SGMS1: variants seen among roughly 807,000 people sequenced by gnomAD.
The protein encoded by SGMS1 is sphingomyelin synthase 1, also known as phosphatidylcholine:ceramide cholinephosphotransferase 1.
A neutral mutation model predicts 46.2 loss-of-function variants in SGMS1; 13 were observed. That is an observed-to-expected ratio of 0.28 (90% CI 0.18 to 0.45). The LOEUF is 0.45. Among genes scored for constraint, SGMS1 ranks in the 20% least tolerant of loss-of-function variants. The pLI is 1.00. For synonymous variants in SGMS1, 203 were observed against 187.8 expected, an observed-to-expected ratio of 1.08 and a Z score of -0.66; for missense variants, 324 against 519.9, an observed-to-expected ratio of 0.62 and a Z score of 3.66.
chr10:50,612,477 AAGG>A (rs760119382), intron 1 of SGMS1, among the ~76,000 whole-genome samples: 1 of 152,232 alleles, frequency 6.6e-6, no homozygotes, highest in Non-Finnish European at 1.5e-5. Context: ...AGCTGGCGAA[AAGG>A]AGGAGTGGAG....
intron 6 of SGMS1, among the ~76,000 whole-genome samples, chr10:50,399,899 G>A (rs1159225498): frequency 2.0e-5 from 3 of 151,850 alleles, no homozygotes; most frequent in Non-Finnish European, 4.4e-5. Flanking sequence ...CATGGTGGTG[G>A]GCGCCTGTAG....
chr10:50,399,489 AGTTT>A (rs1848898886), intron 6 of SGMS1, among the ~76,000 whole-genome samples: 2 of 152,212 alleles, frequency 1.3e-5, no homozygotes, highest in Admixed American at 1.3e-4. Flanking sequence ...ATAAGCAGTC[AGTTT>A]AAGAATGTGT....
intron 8 of SGMS1, among the ~76,000 whole-genome samples, chr10:50,317,610 C>T (rs2133289927): frequency 6.6e-6 from 1 of 152,260 alleles, no homozygotes; most frequent in Non-Finnish European, 1.5e-5. Flanking sequence ...CAAGGCTGGA[C>T]AATTTCTCCA....
chr10:50,344,406 A>C (rs1216065317), intron 6 of SGMS1, 61 bp from the exon 7 acceptor site: 1 of 362,048 alleles, frequency 2.8e-6, no homozygotes, highest in African/African-American at 2.0e-5. Flanking sequence ...CTCAAAACGC[A>C]AAGCCTTATA....
chr10:50,558,474 C>T (rs911975389), intron 2 of SGMS1, among the ~76,000 whole-genome samples: 8 of 152,082 alleles, frequency 5.3e-5, no homozygotes, highest in African/African-American at 1.9e-4. Flanking sequence ...CTGCTTGGAA[C>T]GAGCCAAACA....
At chr10:50,463,656 C>A (rs969408322) in intron 4 of SGMS1, among the ~76,000 whole-genome samples, 3 of 152,160 alleles carry the variant, frequency 2.0e-5, no homozygotes, top group African/African-American at 7.2e-5. Context: ...ACTATATGAT[C>A]CAGTAAGCTC....
intron 5 of SGMS1, among the ~76,000 whole-genome samples, chr10:50,436,042 C>A (rs1310090757): frequency 7.2e-5 from 11 of 152,188 alleles, no homozygotes; most frequent in Non-Finnish European, 1.5e-4. Flanking sequence ...GAATCAAATT[C>A]ATCCTCAAAG....
At chr10:50,595,357 T>G (rs1291158172) in intron 1 of SGMS1, among the ~76,000 whole-genome samples, 2 of 152,138 alleles carry the variant, frequency 1.3e-5, no homozygotes, top group African/African-American at 4.8e-5. Flanking sequence ...TTTGTGCTTT[T>G]AGTAGAGGCA....
At chr10:50,575,245 A>G (rs1003769785) in intron 2 of SGMS1, among the ~76,000 whole-genome samples, 2 of 152,250 alleles carry the variant, frequency 1.3e-5, no homozygotes, top group Admixed American at 1.3e-4. Flanking sequence ...GACATTATGC[A>G]CTTAAAAATT....
chr10:50,411,048 G>A (rs1466772232), intron 6 of SGMS1, among the ~76,000 whole-genome samples: 1 of 152,072 alleles, frequency 6.6e-6, no homozygotes, highest in Non-Finnish European at 1.5e-5. Flanking sequence ...AAGAGGGAAA[G>A]GTATATATAG....
At chr10:50,326,535 T>G (rs1328293877) in intron 8 of SGMS1, among the ~76,000 whole-genome samples, 2 of 152,324 alleles carry the variant, frequency 1.3e-5, no homozygotes, top group East Asian at 1.9e-4. Context: ...TAAAGAGCTT[T>G]AATGTACATA....
At chr10:50,375,982 C>T (rs1340102953) in intron 6 of SGMS1, among the ~76,000 whole-genome samples, 1 of 152,112 alleles carries the variant, frequency 6.6e-6, no homozygotes, top group African/African-American at 2.4e-5. Flanking sequence ...CAAGTGAGTA[C>T]TACTGCAGCC....
chr10:50,549,412 G>A (rs1838129861), intron 2 of SGMS1, among the ~76,000 whole-genome samples: 1 of 152,162 alleles, frequency 6.6e-6, no homozygotes, highest in Non-Finnish European at 1.5e-5. Flanking sequence ...GGCATTGGAA[G>A]CCATTATCCT....
At chr10:50,413,224 TG>T (rs958730044) in intron 6 of SGMS1, among the ~76,000 whole-genome samples, 2 of 152,158 alleles carry the variant, frequency 1.3e-5, no homozygotes, top group Admixed American at 1.3e-4. Flanking sequence ...TAAAGAAACT[TG>T]CCCCAAATCA....
intron 2 of SGMS1, among the ~76,000 whole-genome samples, chr10:50,567,606 T>A (rs563644029): frequency 6.4e-4 from 97 of 152,340 alleles, no homozygotes; most frequent in African/African-American, 2.1e-3. Flanking sequence ...CAGGCGGCTC[T>A]CCAGTGTGTC....
intron 6 of SGMS1, among the ~76,000 whole-genome samples, chr10:50,361,008 C>G (rs1460535317): frequency 6.6e-6 from 1 of 152,146 alleles, no homozygotes; most frequent in Non-Finnish European, 1.5e-5. Context: ...CCACAGTGCC[C>G]AGCTTACTAA....
chr10:50,360,029 C>G (rs1848221602), intron 6 of SGMS1, among the ~76,000 whole-genome samples: 1 of 151,846 alleles, frequency 6.6e-6, no homozygotes, highest in African/African-American at 2.4e-5. Context: ...GATTTTTTCC[C>G]CCAAACATAC....
intron 6 of SGMS1, among the ~76,000 whole-genome samples, chr10:50,419,312 T>C (rs920143749): frequency 1.3e-5 from 2 of 152,232 alleles, no homozygotes; most frequent in Admixed American, 1.3e-4. Flanking sequence ...GTAAACAAAC[T>C]GGCTCGTAAT....
At chr10:50,558,205 C>T (rs960240895) in intron 2 of SGMS1, among the ~76,000 whole-genome samples, 9 of 152,300 alleles carry the variant, frequency 5.9e-5, no homozygotes, top group African/African-American at 1.7e-4. Flanking sequence ...TTCAACTGAA[C>T]CCTAGGACTT....
Sources: gnomAD v4.1 joint callset for allele counts (sites outside exome capture counted in the v4.1 genomes callset) on GRCh38, gnomAD v4.1.1 for gene constraint, MANE v1.5 for transcripts, NCBI Gene and HGNC (gene_info 2026-07-23, HGNC 2026-07-21) for gene names.